The following KLHL24 variants were observed in gnomAD, a reference collection of about 807,000 sequenced individuals.
KLHL24 encodes kelch like family member 24.
Under a neutral mutation model 53.4 loss-of-function variants are expected in KLHL24, and 29 were observed. That is an observed-to-expected ratio of 0.54 (90% CI 0.40 to 0.74). The LOEUF is 0.74. Among genes scored for constraint, KLHL24 ranks in the 30% least tolerant of loss-of-function variants. KLHL24 has a pLI of 0.00. For missense variants in KLHL24, 504 were observed against 744.0 expected, an observed-to-expected ratio of 0.68 and a Z score of 3.75; for synonymous variants, 222 against 253.7, an observed-to-expected ratio of 0.88 and a Z score of 1.19.
At chr3:183,637,505 GTAA>G in intron 1 of KLHL24, among the ~76,000 whole-genome samples, 1 of 152,304 alleles carries the variant, frequency 6.6e-6, no homozygotes, top group Non-Finnish European at 1.5e-5. Flanking sequence ...TAAGCTGACG[GTAA>G]TAAAATCTTC....
chr3:183,638,115 T>C (rs547038933), intron 1 of KLHL24, among the ~76,000 whole-genome samples: 2 of 152,346 alleles, frequency 1.3e-5, no homozygotes, highest in Non-Finnish European at 2.9e-5. Context: ...CCTCATCACT[T>C]GTGCATTGAG....
intron 1 of KLHL24, among the ~76,000 whole-genome samples, chr3:183,637,615 A>T (rs1162343879): frequency 1.3e-5 from 2 of 152,124 alleles, no homozygotes; most frequent in African/African-American, 4.8e-5. Flanking sequence ...TCTTCTGCAG[A>T]TATAGGAATT....
chr3:183,653,952 G>A (rs1718498253), intron 3 of KLHL24, among the ~76,000 whole-genome samples: 1 of 152,086 alleles, frequency 6.6e-6, no homozygotes, highest in Admixed American at 6.6e-5. Flanking sequence ...TGAACAATGT[G>A]TATTATTTGT....
Position 183,646,870 on chromosome 3 carries a change from C to T in KLHL24, c.-62+3328C>T, listed in dbSNP as rs181107049. On this transcript the variant is annotated intron_variant, in intron 2 of 7. Coordinates refer to ENST00000242810, the MANE Select transcript of KLHL24 (RefSeq NM_017644.3). ...TGTCACCCAGGCTGGAGTGCAGTGGCGCGATCTAGGCTCACTGCAAGCTCC... is the reference window on the plus strand; with the variant it reads ...TGTCACCCAGGCTGGAGTGCAGTGGTGCGATCTAGGCTCACTGCAAGCTCC... Among the ~76,000 whole-genome samples the T allele has an allele frequency of 3.2e-4, 49 of 151,864 alleles. 1 individual carries two copies. Among genetic ancestry groups the T allele is most frequent in the Middle Eastern group, 3.4e-3 (1 of 294 alleles).
intron 1 of KLHL24, among the ~76,000 whole-genome samples, chr3:183,638,229 A>G (rs1375334450): frequency 2.0e-5 from 3 of 152,228 alleles, no homozygotes; most frequent in Admixed American, 2.0e-4. Context: ...AAAGCCAGCA[A>G]CCTAAGTCTC....
Position 183,679,812 on chromosome 3 carries a change from T to C in KLHL24, c.*526T>C, listed in dbSNP as rs1576997237. ...AATTTTATTGAAGGGTTTTTTTCTG[T>C]AATTGATAAAAATGTAATGACAACA... On this transcript the variant is annotated 3_prime_UTR_variant, in exon 8 of 8. Transcript: ENST00000242810. 3 of 152,738 alleles carry C rather than the reference T, an allele frequency of 2.0e-5. No individual in the cohort carries two copies. The highest frequency in any genetic ancestry group is 7.2e-5 in the African/African-American group (3 of 41,440). 9.5% of individuals were successfully genotyped at this position (152,738 alleles called of 1,614,324 possible).
chr3:183,657,423 T>C (rs1411764768), intron 3 of KLHL24, among the ~76,000 whole-genome samples: 1 of 152,186 alleles, frequency 6.6e-6, no homozygotes, highest in East Asian at 1.9e-4. Flanking sequence ...ATCTCTTACC[T>C]GATAATCAGT....
intron 1 of KLHL24, among the ~76,000 whole-genome samples, 200 bp downstream of exon 1, chr3:183,635,993 T>C (rs1166135836): frequency 6.6e-6 from 1 of 152,034 alleles, no homozygotes; most frequent in African/African-American, 2.4e-5. Context: ...CCCCGCTTGG[T>C]AGCTACAGCC....
At chr3:183,670,604 A>G (rs189790264) in intron 5 of KLHL24, among the ~76,000 whole-genome samples, 53 of 152,340 alleles carry the variant, frequency 3.5e-4, no homozygotes, top group Admixed American at 1.1e-3. Flanking sequence ...AATACTTTAT[A>G]ATAATCAAAT....
chr3:183,645,881 C>G (rs1717152617), intron 2 of KLHL24, among the ~76,000 whole-genome samples: 1 of 152,104 alleles, frequency 6.6e-6, no homozygotes, highest in Admixed American at 6.5e-5. Context: ...CCGAAACCAG[C>G]CATTGGTAAG....
At chr3:183,640,046 A>T (rs1001280943) in intron 1 of KLHL24, among the ~76,000 whole-genome samples, 1 of 152,094 alleles carries the variant, frequency 6.6e-6, no homozygotes, top group South Asian at 2.1e-4. Flanking sequence ...AACCAAAACC[A>T]TTTTTCTAAC....
intron 5 of KLHL24, among the ~76,000 whole-genome samples, chr3:183,669,705 C>G (rs984303523): frequency 1.3e-5 from 2 of 152,094 alleles, no homozygotes; most frequent in Non-Finnish European, 2.9e-5. Context: ...CTTAGACATT[C>G]ATTGTTGAAA....
intron 3 of KLHL24, among the ~76,000 whole-genome samples, chr3:183,656,752 G>A (rs928812581): frequency 6.6e-6 from 1 of 151,916 alleles, no homozygotes; most frequent in African/African-American, 2.4e-5. Context: ...TCACATTCCT[G>A]ACTATTGTTT....
chr3:183,664,624 A>G (rs1251158441), intron 4 of KLHL24, among the ~76,000 whole-genome samples: 2 of 151,802 alleles, frequency 1.3e-5, no homozygotes. Context: ...CGTGCTTCTG[A>G]TGTCTTACTC....
intron 3 of KLHL24, among the ~76,000 whole-genome samples, chr3:183,652,207 A>G (rs1293125047): frequency 6.6e-6 from 1 of 152,200 alleles, no homozygotes; most frequent in Non-Finnish European, 1.5e-5. Context: ...AGGGGGTAGA[A>G]TGCAGTTAAA....
chr3:183,672,080 T>C (rs1202873973), intron 6 of KLHL24, among the ~76,000 whole-genome samples: 3 of 152,186 alleles, frequency 2.0e-5, no homozygotes, highest in African/African-American at 7.2e-5. Context: ...ACAATCTGTG[T>C]GTTTGGTACT....
intron 1 of KLHL24, among the ~76,000 whole-genome samples, chr3:183,641,091 C>T (rs1716351045): frequency 6.6e-6 from 1 of 152,106 alleles, no homozygotes; most frequent in South Asian, 2.1e-4. Flanking sequence ...AAAAAGTCAT[C>T]AAATAAATTA....
intron 7 of KLHL24, among the ~76,000 whole-genome samples, chr3:183,676,231 G>A (rs2108895968): frequency 6.6e-6 from 1 of 152,302 alleles, no homozygotes; most frequent in East Asian, 1.9e-4. Context: ...AAGTAGCTGG[G>A]ATTACAGGCG....
chr3:183,668,355 T>C (rs527885577), intron 5 of KLHL24, among the ~76,000 whole-genome samples: 22 of 152,188 alleles, frequency 1.4e-4, no homozygotes, highest in African/African-American at 4.3e-4. Flanking sequence ...ATAGTGTACT[T>C]GACTTGAAGA....
Sources: allele counts gnomAD v4.1 joint callset (sites outside exome capture counted in the v4.1 genomes callset), GRCh38; gene constraint gnomAD v4.1.1; transcripts MANE v1.5; gene names NCBI Gene and HGNC (gene_info 2026-07-23, HGNC 2026-07-21).